Variants in DCLK1 observed in about 807,000 individuals in gnomAD.
DCLK1 encodes doublecortin like kinase 1, also known as serine/threonine-protein kinase DCLK1.
DCLK1 carries 16 observed loss-of-function variants against 86.2 expected under a neutral mutation model. That is an observed-to-expected ratio of 0.19 (90% CI 0.13 to 0.28). DCLK1 has a LOEUF of 0.28. DCLK1 is among the 10% of genes least tolerant of loss of function. DCLK1 has a pLI of 1.00. For synonymous variants in DCLK1, 369 were observed against 370.5 expected (o/e 1.00, Z 0.05); for missense variants, 590 against 940.2 (o/e 0.63, Z 4.87).
chr13:36,115,425 AC>A (rs1885750578), intron 2 of DCLK1, among the ~76,000 whole-genome samples: 1 of 152,198 alleles, frequency 6.6e-6, no homozygotes, highest in Admixed American at 6.5e-5. Context: ...CTATAGGTGA[AC>A]TTGAACAAGG....
intron 6 of DCLK1, among the ~76,000 whole-genome samples, chr13:35,853,792 C>G (rs1191819604): frequency 2.0e-5 from 3 of 152,098 alleles, no homozygotes; most frequent in Non-Finnish European, 4.4e-5. Flanking sequence ...TTGTACCTCC[C>G]CCTTTGCCCC....
At chr13:35,794,916 G>A (rs1471573268) in intron 15 of DCLK1, among the ~76,000 whole-genome samples, 2 of 152,166 alleles carry the variant, frequency 1.3e-5, no homozygotes, top group African/African-American at 4.8e-5. Flanking sequence ...ACCTTGTCAA[G>A]GGCTATGTTA....
At chr13:35,812,547 C>T (rs575837869) in intron 11 of DCLK1, among the ~76,000 whole-genome samples, 5 of 152,318 alleles carry the variant, frequency 3.3e-5, no homozygotes, top group South Asian at 4.1e-4. Context: ...ATTAACTTTG[C>T]GTTTCACTGC....
rs186401404 is a variant in DCLK1 at position 35,951,960 on chromosome 13, A to G, written c.724-4503T>C. 5.3e-5 allele frequency among the ~76,000 whole-genome samples: 8 copies of G among 152,194 alleles called. No homozygotes were observed. The East Asian group carries it at 1.6e-3, about 30-fold the overall frequency. ...GAGATGTCTGCTTAAGCTGTTCCCT[A>G]AGAGCACAGCACTATCAACAGAGCC... On this transcript the variant is annotated intron_variant, in intron 3 of 16. Transcript: ENST00000360631.
In DCLK1 at chr13:35,768,807, C is replaced by T. The variant is rs1465753759; in HGVS notation, c.*5728G>A. 1 of 152,202 alleles carries T rather than the reference C, an allele frequency of 6.6e-6. No homozygotes were observed. Among genetic ancestry groups the T allele is most frequent in the Non-Finnish European group, 1.5e-5 (1 of 68,038 alleles). 9.4% of individuals were successfully genotyped at this position (152,202 alleles called of 1,614,324 possible). On this transcript the variant is annotated 3_prime_UTR_variant, in exon 17 of 17. Coordinates refer to ENST00000360631, the MANE Select transcript of DCLK1 (RefSeq NM_001330071.2). ...GACATGTGGGAAAGCTACACTCTGA[C>T]CGCATGACTAATTTTTAAAGCCTTG...
chr13:35,880,765 G>T (rs1483122464), intron 4 of DCLK1, among the ~76,000 whole-genome samples: 1 of 152,106 alleles, frequency 6.6e-6, no homozygotes, highest in East Asian at 1.9e-4. Context: ...TTTGCTCAGG[G>T]TCTGCTGCCT....
At chr13:35,775,466 C>T (rs888355202) in intron 16 of DCLK1, among the ~76,000 whole-genome samples, 1 of 152,132 alleles carries the variant, frequency 6.6e-6, no homozygotes, top group Non-Finnish European at 1.5e-5. Context: ...GATGATTCCC[C>T]GGATGTGTTA....
At chr13:35,935,265 C>T (rs540818239) in intron 4 of DCLK1, among the ~76,000 whole-genome samples, 1 of 152,266 alleles carries the variant, frequency 6.6e-6, no homozygotes, top group African/African-American at 2.4e-5. Context: ...CCTAGAATAG[C>T]ATGCCAAGGA....
rs542008585 is a variant in DCLK1, at chr13:36,106,314, G to A, written c.723+5555C>T. 3.9e-5 allele frequency among the ~76,000 whole-genome samples: 6 copies of A among 152,258 alleles called. No homozygotes were observed. In the East Asian group the frequency reaches 1.2e-3, roughly 29 times the overall value. The stretch of plus-strand genomic sequence containing the variant: ...GACCAAGGATATGTGACCTAAAATA[G>A]TACATTCTATTCTGAACACTTTAAT... On this transcript the variant is annotated intron_variant, in intron 3 of 16. Transcript: ENST00000360631.
chr13:35,824,015 A>G lies in DCLK1; in HGVS notation c.1408-1140T>C, dbSNP rs1191845355. Among the ~76,000 whole-genome samples, 4 of 152,016 alleles carry G rather than the reference A, an allele frequency of 2.6e-5. No homozygotes were observed. The East Asian group carries it at 7.7e-4, about 29-fold the overall frequency. ...TCTCTCAAAGGTAAGGCTGCTACAC[A>G]CAGGTTTTCAGGTTGTCTCTGTGCC... On this transcript the variant is annotated intron_variant, in intron 10 of 16. Coordinates refer to ENST00000360631, the MANE Select transcript of DCLK1 (RefSeq NM_001330071.2).
At chr13:35,941,428 T>C (rs574400984) in intron 4 of DCLK1, among the ~76,000 whole-genome samples, 1 of 152,288 alleles carries the variant, frequency 6.6e-6, no homozygotes, top group South Asian at 2.1e-4. Context: ...TGGTGATCCA[T>C]AAGAGAAGCT....
intron 3 of DCLK1, among the ~76,000 whole-genome samples, chr13:36,078,759 A>T (rs991055849): frequency 1.3e-5 from 2 of 152,222 alleles, no homozygotes; most frequent in African/African-American, 2.4e-5. Context: ...GTGAATTTGA[A>T]ATAGTGACAT....
At chr13:36,125,534 A>G (rs545174778) in intron 2 of DCLK1, among the ~76,000 whole-genome samples, 1 of 152,248 alleles carries the variant, frequency 6.6e-6, no homozygotes, top group Non-Finnish European at 1.5e-5. Flanking sequence ...ATGCTGTAGA[A>G]TTAGGGACTT....
intron 4 of DCLK1, among the ~76,000 whole-genome samples, chr13:35,934,775 G>A (rs184347960): frequency 6.6e-6 from 1 of 152,242 alleles, no homozygotes; most frequent in East Asian, 1.9e-4. Context: ...TGAGAATCCT[G>A]ATTAATACAG....
At chr13:35,880,831 T>C (rs999331069) in intron 4 of DCLK1, among the ~76,000 whole-genome samples, 3 of 152,200 alleles carry the variant, frequency 2.0e-5, no homozygotes, top group Non-Finnish European at 4.4e-5. Flanking sequence ...GTAAAGCAGT[T>C]ATTAAAATTG....
At chr13:36,120,042 G>A (rs565630971) in intron 2 of DCLK1, among the ~76,000 whole-genome samples, 1 of 152,098 alleles carries the variant, frequency 6.6e-6, no homozygotes, top group African/African-American at 2.4e-5. Flanking sequence ...ATAGCCTGGG[G>A]GAAGAAAAGG....
rs567277674 is a variant in DCLK1 at position 35,799,862 on chromosome 13, G to A, written c.1944+5837C>T. ...CAACCCCCTTTCTAATTCCTGGAAA[G>A]GTCAAGATATATTATTGCCTATTTT... On this transcript the variant is annotated intron_variant, in intron 15 of 16. Transcript: ENST00000360631. Among the ~76,000 whole-genome samples, 4 of 152,124 alleles carry A rather than the reference G, an allele frequency of 2.6e-5. No individual in the cohort carries two copies. The East Asian group carries it at 7.7e-4, about 29-fold the overall frequency.
At chr13:35,779,895 C>T (rs993863019) in intron 16 of DCLK1, among the ~76,000 whole-genome samples, 1 of 151,380 alleles carries the variant, frequency 6.6e-6, no homozygotes, top group African/African-American at 2.4e-5. Flanking sequence ...ATGAAGTTAC[C>T]AAGGAAATAG....
intron 2 of DCLK1, among the ~76,000 whole-genome samples, chr13:36,113,822 C>T (rs535696432): frequency 3.9e-5 from 6 of 152,256 alleles, no homozygotes; most frequent in Admixed American, 3.9e-4. Flanking sequence ...ATACCCTAAT[C>T]GTGCAGTAAG....
Sources: allele counts gnomAD v4.1 joint callset (sites outside exome capture counted in the v4.1 genomes callset), GRCh38; gene constraint gnomAD v4.1.1; transcripts MANE v1.5; gene names NCBI Gene and HGNC (gene_info 2026-07-23, HGNC 2026-07-21).